Variants in RIT1 observed in about 807,000 individuals in gnomAD.
The protein encoded by RIT1 is GTP-binding protein Rit1.
A neutral mutation model predicts 25.6 loss-of-function variants in RIT1; 6 were observed. The ratio of observed to expected loss-of-function variants is 0.23; its 90% CI spans 0.13 to 0.46. RIT1 has a LOEUF of 0.46. Ranked by LOEUF, RIT1 falls within the 20% of genes least tolerant of loss-of-function variation. The pLI, the probability that RIT1 is intolerant of heterozygous loss-of-function variation, is 0.99. For synonymous variants in RIT1, 81 were observed against 94.1 expected, an observed-to-expected ratio of 0.86 and a Z score of 0.80; for missense variants, 219 against 284.4, an observed-to-expected ratio of 0.77 and a Z score of 1.65.
At chr1:155,902,151 T>C (rs554218263) in intron 5 of RIT1, among the ~76,000 whole-genome samples, 7 of 152,262 alleles carry the variant, frequency 4.6e-5, no homozygotes, top group African/African-American at 1.7e-4. Flanking sequence ...GTGTTTTTTG[T>C]AGATTCTCGT....
In RIT1 at chr1:155,910,687, C is replaced by T; in HGVS notation, c.75G>A (p.Val25=). The T allele has an allele frequency of 6.2e-7, 1 of 1,614,254 alleles. No homozygotes were observed. The highest frequency in any genetic ancestry group is 1.1e-5 in the South Asian group (1 of 91,086). Residue 25 remains valine, a synonymous_variant, in exon 2 of 6, where the codon GTG becomes GTA. Coordinates refer to ENST00000368323, the MANE Select transcript of RIT1 (RefSeq NM_006912.6). Reference sequence around the variant, plus strand: ...TCCCTACACCACCAGCACCCAGCATCACTAGTTTGTACTCCCGTGAGAGCC... The same window carrying T: ...TCCCTACACCACCAGCACCCAGCATTACTAGTTTGTACTCCCGTGAGAGCC... ...PAGLSREYKL[V]MLGAGGVGKS... is the part of the protein sequence containing the mutation.
chr1:155,901,987 T>C (rs1319715310), intron 5 of RIT1, among the ~76,000 whole-genome samples: 2 of 152,064 alleles, frequency 1.3e-5, no homozygotes, highest in Non-Finnish European at 2.9e-5. Flanking sequence ...AATACAACCA[T>C]GAAACTGATC....
chr1:155,909,778 C>T (rs903456244), intron 3 of RIT1, among the ~76,000 whole-genome samples: 2 of 151,746 alleles, frequency 1.3e-5, no homozygotes, highest in Non-Finnish European at 2.9e-5. Context: ...AAAAATTAGC[C>T]GGGTGTGGTG....
intron 5 of RIT1, among the ~76,000 whole-genome samples, 162 bp from the exon 6 acceptor site, chr1:155,900,780 G>A (rs546867498): frequency 6.6e-6 from 1 of 152,156 alleles, no homozygotes; most frequent in South Asian, 2.1e-4. Flanking sequence ...TACTTCTAAG[G>A]TTTCTTATTC....
At position 155,900,398 on chromosome 1, in the gene RIT1, G is replaced by C. The variant is rs767498196; in HGVS notation, c.650C>G (p.Ser217Ter). The change falls in exon 6 of 6, where the codon TCA becomes TGA. Residue 217 changes from serine (S) to a stop codon, truncating the protein, a stop_gained. Transcript: ENST00000368323. LOFTEE classifies it high-confidence loss of function. ...CTTCACATCTTCTCTTCAAGTTACT[G>C]AATCTTTCTTCTTCCGGAATGGTGA... ...LKSPFRKKKD[S>*]VT The C allele has an allele frequency of 1.3e-5, 21 of 1,613,040 alleles. No individual in the cohort carries two copies. The highest frequency in any genetic ancestry group is 2.2e-5 in the East Asian group (1 of 44,866).
intron 2 of RIT1, 40 bp downstream of exon 2, chr1:155,910,616 T>C: frequency 6.2e-7 from 1 of 1,611,096 alleles, no homozygotes; most frequent in Non-Finnish European, 8.5e-7. Flanking sequence ...TTTAAGTACT[T>C]TTCATCCATG....
rs1291705614 is a variant in RIT1, at chr1:155,899,231, T to C, written c.*1157A>G. Reference sequence around the variant, plus strand: ...AACTTGGTCAAGGCTCAGATAACCCTGAGATGAACTTAGCAAAGTCCTTGT... The same window carrying C: ...AACTTGGTCAAGGCTCAGATAACCCCGAGATGAACTTAGCAAAGTCCTTGT... On this transcript the variant is annotated 3_prime_UTR_variant, in exon 6 of 6. Coordinates refer to ENST00000368323, the MANE Select transcript of RIT1 (RefSeq NM_006912.6). 1 of 202,984 alleles carries C rather than the reference T, an allele frequency of 4.9e-6. No homozygotes were observed. Among genetic ancestry groups the C allele is most frequent in the East Asian group, 7.6e-5 (1 of 13,202 alleles). The allele number at this position is 202,984 out of a possible 1,614,324, so 12.6% of individuals were successfully genotyped here. A position where few individuals can be genotyped will look rare whatever the true frequency, so the allele number is the denominator to read the frequency against.
Position 155,911,284 on chromosome 1 carries a change from A to G in RIT1, c.-85T>C. The G allele has an allele frequency of 4.2e-6, 1 of 236,656 alleles. No homozygotes were observed. The highest frequency in any genetic ancestry group is 7.9e-6 in the Non-Finnish European group (1 of 126,738). 14.7% of individuals were successfully genotyped at this position (236,656 alleles called of 1,614,324 possible). A position where few individuals can be genotyped will look rare whatever the true frequency, so the allele number is the denominator to read the frequency against. On this transcript the variant is annotated 5_prime_UTR_variant, in exon 1 of 6. Coordinates refer to ENST00000368323, the MANE Select transcript of RIT1 (RefSeq NM_006912.6). ...CTGCTGCTCCTACTGGTCAGTGGGG[A>G]CTGGAACACCACAGCCGGTCGGGTC...
Position 155,898,068 on chromosome 1 carries a change from A to C in RIT1, c.*2320T>G, listed in dbSNP as rs1673221794. The C allele has an allele frequency of 6.6e-6, 1 of 152,288 alleles. No homozygotes were observed. The highest frequency in any genetic ancestry group is 2.1e-4 in the South Asian group (1 of 4,828). The allele number at this position is 152,288 out of a possible 1,614,324, so 9.4% of individuals were successfully genotyped here. On this transcript the variant is annotated 3_prime_UTR_variant, in exon 6 of 6. Coordinates refer to ENST00000368323, the MANE Select transcript of RIT1 (RefSeq NM_006912.6). ...CTTATCCCTGAATTTTTCTCTTCTC[A>C]AAGTTCTAGGCAGTAATTTTAATGC...
In RIT1 at chr1:155,905,223, G is replaced by C. The variant is rs576533588; in HGVS notation, c.164-419C>G. Reference sequence around the variant, plus strand: ...ATCTTTTTTTTTTTTTCTTGAGACAGGGTCTCACTGTCACCCAGGCTGGAG... The same window carrying C: ...ATCTTTTTTTTTTTTTCTTGAGACACGGTCTCACTGTCACCCAGGCTGGAG... On this transcript the variant is annotated intron_variant, in intron 3 of 5. Transcript: ENST00000368323. Among the ~76,000 whole-genome samples, 3 of 151,508 alleles carry C rather than the reference G, an allele frequency of 2.0e-5. No homozygotes were observed. In the East Asian group the frequency reaches 5.8e-4, roughly 29 times the overall value.
rs753111645 is a variant in RIT1, at chr1:155,910,824, T to G, written c.-43-20A>C. 1 of 1,613,472 alleles carries G rather than the reference T, an allele frequency of 6.2e-7. No homozygotes were observed. The highest frequency in any genetic ancestry group is 2.2e-5 in the East Asian group (1 of 44,880). On this transcript the variant is annotated intron_variant, in intron 1 of 5. Coordinates refer to ENST00000368323, the MANE Select transcript of RIT1 (RefSeq NM_006912.6). ...AGCCACCTAGAAAAGGAGGAGGAAA[T>G]GCTTAATCCAGGATGGAGACACCAC...
intron 3 of RIT1, among the ~76,000 whole-genome samples, chr1:155,908,663 A>G (rs1043322743): frequency 6.6e-6 from 1 of 150,652 alleles, no homozygotes; most frequent in African/African-American, 2.4e-5. Context: ...CCCAGGTTCA[A>G]GCAATTCTCC....
In RIT1 at chr1:155,904,433, T is replaced by C; in HGVS notation, c.307A>G (p.Thr103Ala). 4 of 1,614,132 alleles carry C rather than the reference T, an allele frequency of 2.5e-6. No homozygotes were observed. The highest frequency in any genetic ancestry group is 2.2e-5 in the South Asian group (2 of 91,088). Residue 103 changes from threonine (T) to alanine (A), a missense_variant, in exon 5 of 6, where the codon ACG becomes GCG. This residue lies in a region of RIT1 where 131 missense variants were observed against 173.6 expected (regional missense o/e 0.75). Transcript: ENST00000368323. ...GEGFIICYSI[T>A]DRRSFHEVRE... is the part of the protein sequence containing the mutation. ...ACTTCATGGAAACTTCGACGATCCGTGATAGAGTAACAGATGATAAACCCT... is the reference window on the plus strand; with the variant it reads ...ACTTCATGGAAACTTCGACGATCCGCGATAGAGTAACAGATGATAAACCCT...
At chr1:155,903,900 C>A (rs1673371078) in intron 5 of RIT1, among the ~76,000 whole-genome samples, 1 of 152,172 alleles carries the variant, frequency 6.6e-6, no homozygotes. Flanking sequence ...GTCCCAGCTA[C>A]CCTCAAAGCT....
chr1:155,900,442 A>C lies in RIT1; in HGVS notation c.606T>G (p.Ser202Arg). The change falls in exon 6 of 6, where the codon AGT becomes AGG. Residue 202 changes from serine (S) to arginine (R), a missense_variant. Coordinates refer to ENST00000368323, the MANE Select transcript of RIT1 (RefSeq NM_006912.6). ...AMEKKSKPKN[S>R]VWKRLKSPFR... ...ATGGTGATTTTAGCCTCTTCCATAC[A>C]CTGTTTTTGGGCTTAGATTTTTTCT... 1.9e-6 allele frequency: 3 copies of C among 1,614,044 alleles called. No homozygotes were observed. Among genetic ancestry groups the C allele is most frequent in the Non-Finnish European group, 2.5e-6 (3 of 1,179,996 alleles).
intron 5 of RIT1, among the ~76,000 whole-genome samples, chr1:155,903,687 AGAG>A (rs886387533): frequency 2.6e-5 from 4 of 152,274 alleles, no homozygotes; most frequent in African/African-American, 9.6e-5. Flanking sequence ...GGAGATTAAC[AGAG>A]AAGCATTATG....
intron 3 of RIT1, 108 bp from the exon 4 acceptor site, chr1:155,904,912 C>A: frequency 2.8e-6 from 2 of 718,300 alleles, no homozygotes; most frequent in Non-Finnish European, 4.8e-6. Context: ...CATTAAATGC[C>A]CACATTTTCT....
At chr1:155,903,096 G>C (rs1454715450) in intron 5 of RIT1, among the ~76,000 whole-genome samples, 1 of 151,992 alleles carries the variant, frequency 6.6e-6, no homozygotes, top group Non-Finnish European at 1.5e-5. Flanking sequence ...AGGAGATCGA[G>C]ACCATCCTGG....
At chr1:155,903,019 C>T (rs1304297453) in intron 5 of RIT1, among the ~76,000 whole-genome samples, 1 of 139,330 alleles carries the variant, frequency 7.2e-6, no homozygotes, top group Non-Finnish European at 1.6e-5. Flanking sequence ...AAAATTAGGC[C>T]GGGCGCGGTG....
Sources: gnomAD v4.1 joint callset for allele counts (sites outside exome capture counted in the v4.1 genomes callset) on GRCh38, gnomAD v4.1.1 for gene constraint, gnomAD v4.1.1 regional missense constraint, MANE v1.5 for transcripts, NCBI Gene and HGNC (gene_info 2026-07-23, HGNC 2026-07-21) for gene names.